The following CRPPA variants were observed in gnomAD, a reference collection of about 807,000 sequenced individuals.
The protein encoded by CRPPA is D-ribitol-5-phosphate cytidylyltransferase.
In CRPPA, 43 loss-of-function variants were observed where a neutral mutation model predicts 52.0. The observed-to-expected ratio is 0.83, with a 90% confidence interval of 0.65 to 1.07. The LOEUF (loss-of-function observed/expected upper bound fraction) is 1.07, where lower values mean the gene tolerates loss of function less well. CRPPA is among the 50% of genes least tolerant of loss of function. The probability of loss-of-function intolerance (pLI) is 0.00; values close to 1 mark genes in which losing one functional copy is unlikely to be tolerated. For missense variants in CRPPA, 629 were observed against 551.7 expected (o/e 1.14, Z -1.40); for synonymous variants, 250 against 203.5 (o/e 1.23, Z -1.94).
chr7:16,312,930 G>C (rs956332847), intron 3 of CRPPA, among the ~76,000 whole-genome samples: 3 of 151,916 alleles, frequency 2.0e-5, no homozygotes, highest in Non-Finnish European at 4.4e-5. Context: ...ATCCCAGTCA[G>C]TTGTGGGGTT....
chr7:16,210,372 A>C (rs1256139361), intron 9 of CRPPA: 1 of 152,104 alleles, frequency 6.6e-6, no homozygotes, highest in African/African-American at 2.4e-5. Flanking sequence ...GTGTGGGTGG[A>C]GCATAGTGAT....
chr7:16,259,296 G>T (rs1479983986), intron 6 of CRPPA, among the ~76,000 whole-genome samples: 1 of 151,926 alleles, frequency 6.6e-6, no homozygotes, highest in Non-Finnish European at 1.5e-5. Flanking sequence ...TAGTAGTCTG[G>T]TTTATCTTAT....
intron 5 of CRPPA, among the ~76,000 whole-genome samples, chr7:16,290,191 A>G (rs565401015): frequency 1.3e-5 from 2 of 152,146 alleles, no homozygotes; most frequent in African/African-American, 4.8e-5. Context: ...CTCATGAATC[A>G]AAAGAATATT....
chr7:16,288,438 C>A (rs1784493164), intron 5 of CRPPA, among the ~76,000 whole-genome samples: 1 of 151,548 alleles, frequency 6.6e-6, no homozygotes, highest in Admixed American at 6.6e-5. Flanking sequence ...GTAATTCCAA[C>A]TTTATTAGGA....
At chr7:16,209,128 C>G in intron 9 of CRPPA, 1 of 372,098 alleles carries the variant, frequency 2.7e-6, no homozygotes, top group South Asian at 2.3e-5. Context: ...AAAGCTAAAA[C>G]TACAAAGAAG....
intron 8 of CRPPA, among the ~76,000 whole-genome samples, chr7:16,242,272 G>T (rs941300015): frequency 9.2e-5 from 14 of 151,888 alleles, no homozygotes; most frequent in Admixed American, 8.5e-4. Context: ...TCTTTTTAAA[G>T]TGATTTTTAC....
chr7:16,177,558 G>A (rs908757391), intron 9 of CRPPA, among the ~76,000 whole-genome samples: 26 of 151,974 alleles, frequency 1.7e-4, no homozygotes, highest in African/African-American at 2.7e-4. Flanking sequence ...AAGAACATAC[G>A]TATATGTTTC....
intron 9 of CRPPA, among the ~76,000 whole-genome samples, chr7:16,133,803 T>A (rs1252731414): frequency 8.0e-6 from 1 of 125,206 alleles, no homozygotes; most frequent in African/African-American, 2.6e-5. Context: ...GGTCTGCAGC[T>A]GAGGATGCCT....
chr7:16,195,413 G>A (rs185725270), intron 9 of CRPPA, among the ~76,000 whole-genome samples: 2 of 152,146 alleles, frequency 1.3e-5, no homozygotes, highest in Non-Finnish European at 2.9e-5. Context: ...AGCTGATTGA[G>A]GTAGCCCAGG....
chr7:16,157,827 C>T (rs1360740935), intron 9 of CRPPA, among the ~76,000 whole-genome samples: 1 of 151,956 alleles, frequency 6.6e-6, no homozygotes, highest in Non-Finnish European at 1.5e-5. Context: ...ATGCTTGCTT[C>T]CTGTTGTGTC....
intron 5 of CRPPA, among the ~76,000 whole-genome samples, chr7:16,295,884 T>C (rs1367729087): frequency 1.3e-5 from 2 of 152,088 alleles, no homozygotes; most frequent in Admixed American, 1.3e-4. Flanking sequence ...TATCAGTCAG[T>C]CCAGTGTCTT....
chr7:16,114,644 A>AAC (rs1008299472), intron 9 of CRPPA, among the ~76,000 whole-genome samples: 9 of 151,456 alleles, frequency 5.9e-5, no homozygotes, highest in Non-Finnish European at 1.2e-4. Flanking sequence ...TCCTGGGGAA[A>AAC]ACACACACAC....
chr7:16,369,131 G>T (rs895783266), intron 3 of CRPPA, among the ~76,000 whole-genome samples: 3 of 152,176 alleles, frequency 2.0e-5, no homozygotes, highest in African/African-American at 7.2e-5. Context: ...GTTGTAGAAG[G>T]AAGGGCTTTA....
intron 9 of CRPPA, among the ~76,000 whole-genome samples, chr7:16,125,688 G>C (rs1355518869): frequency 6.6e-6 from 1 of 152,056 alleles, no homozygotes. Context: ...TTTTTTAATT[G>C]TATGAAACAG....
intron 3 of CRPPA, among the ~76,000 whole-genome samples, chr7:16,310,112 G>A (rs1375441006): frequency 6.6e-6 from 1 of 152,114 alleles, no homozygotes; most frequent in Admixed American, 6.6e-5. Flanking sequence ...ATGAACGAGA[G>A]AGGGTATTGC....
chr7:16,286,572 A>G (rs1784455102), intron 5 of CRPPA, among the ~76,000 whole-genome samples: 1 of 85,444 alleles, frequency 1.2e-5, no homozygotes, highest in South Asian at 2.9e-4. Flanking sequence ...ATTCCTACCA[A>G]TTTCCTGAAC....
At chr7:16,361,617 G>A (rs746477839) in intron 3 of CRPPA, among the ~76,000 whole-genome samples, 1 of 152,158 alleles carries the variant, frequency 6.6e-6, no homozygotes, top group Non-Finnish European at 1.5e-5. Context: ...CACATACAAT[G>A]ATTACATGAG....
intron 6 of CRPPA, among the ~76,000 whole-genome samples, chr7:16,264,599 A>G (rs1783903781): frequency 6.6e-6 from 1 of 152,234 alleles, no homozygotes; most frequent in Non-Finnish European, 1.5e-5. Context: ...CAGAAGTTCA[A>G]ATATGTGTTT....
At chr7:16,130,980 T>A (rs940370580) in intron 9 of CRPPA, among the ~76,000 whole-genome samples, 2 of 152,200 alleles carry the variant, frequency 1.3e-5, no homozygotes, top group African/African-American at 4.8e-5. Flanking sequence ...TGACCATGTA[T>A]GAACCAGGAG....
Sources: allele counts gnomAD v4.1 joint callset (sites outside exome capture counted in the v4.1 genomes callset), GRCh38; gene constraint gnomAD v4.1.1; transcripts MANE v1.5; gene names NCBI Gene and HGNC (gene_info 2026-07-23, HGNC 2026-07-21).